The following TSHZ2 variants were observed in gnomAD, a reference collection of about 807,000 sequenced individuals.
TSHZ2 encodes the protein teashirt zinc finger homeobox 2, also known as teashirt homolog 2.
A neutral mutation model predicts 74.4 loss-of-function variants in TSHZ2; 21 were observed. The ratio of observed to expected loss-of-function variants is 0.28; its 90% CI spans 0.20 to 0.41. TSHZ2 has a LOEUF of 0.41. Ranked by LOEUF, TSHZ2 falls within the 10% of genes least tolerant of loss-of-function variation. The pLI, the probability that TSHZ2 is intolerant of heterozygous loss-of-function variation, is 1.00. For synonymous variants in TSHZ2, 540 were observed against 515.3 expected (o/e 1.05, Z -0.65); for missense variants, 1,244 against 1,293.5 (o/e 0.96, Z 0.59).
intron 1 of TSHZ2, among the ~76,000 whole-genome samples, chr20:53,221,731 G>T (rs117851209): frequency 1.4e-3 from 207 of 152,196 alleles, no homozygotes; most frequent in African/African-American, 4.0e-3. Flanking sequence ...GAGCAATATT[G>T]TTTCGTAAAA....
At chr20:52,995,871 C>T (rs2122936829) in intron 1 of TSHZ2, among the ~76,000 whole-genome samples, 1 of 152,186 alleles carries the variant, frequency 6.6e-6, no homozygotes, top group East Asian at 1.9e-4. Flanking sequence ...ATCCACCCAC[C>T]TCGGCCTCCC....
intron 2 of TSHZ2, among the ~76,000 whole-genome samples, chr20:53,456,876 G>A (rs1283220727): frequency 1.2e-4 from 7 of 59,936 alleles, no homozygotes; most frequent in East Asian, 4.3e-4. Flanking sequence ...GTAGATATGC[G>A]GCATTATTTC....
intron 2 of TSHZ2, among the ~76,000 whole-genome samples, chr20:53,358,910 A>C (rs1980951021): frequency 6.6e-6 from 1 of 152,192 alleles, no homozygotes; most frequent in African/African-American, 2.4e-5. Context: ...TTATTTTAAA[A>C]ACCAAAAATC....
intron 2 of TSHZ2, among the ~76,000 whole-genome samples, chr20:53,341,719 G>T (rs1004576398): frequency 3.3e-5 from 5 of 151,990 alleles, no homozygotes; most frequent in Non-Finnish European, 5.9e-5. Context: ...GGGCAGGGGG[G>T]TGCGGGCTGG....
chr20:53,099,951 C>G (rs1372786762), intron 1 of TSHZ2, among the ~76,000 whole-genome samples: 2 of 152,206 alleles, frequency 1.3e-5, no homozygotes, highest in African/African-American at 4.8e-5. Context: ...TAATGGGGAT[C>G]TGTCTGCAGC....
At chr20:53,313,696 T>C (rs938456643) in intron 2 of TSHZ2, among the ~76,000 whole-genome samples, 1 of 152,236 alleles carries the variant, frequency 6.6e-6, no homozygotes, top group African/African-American at 2.4e-5. Flanking sequence ...TAATACATTC[T>C]TGTACTTTGT....
At chr20:53,269,197 A>G (rs1011729213) in intron 2 of TSHZ2, among the ~76,000 whole-genome samples, 2 of 151,962 alleles carry the variant, frequency 1.3e-5, no homozygotes, top group Non-Finnish European at 2.9e-5. Context: ...TTTCCTCTCA[A>G]TTCCCTTCCC....
intron 2 of TSHZ2, among the ~76,000 whole-genome samples, chr20:53,469,211 TAATA>T (rs1259629239): frequency 2.0e-5 from 3 of 151,402 alleles, no homozygotes; most frequent in East Asian, 3.9e-4. Flanking sequence ...TGGATTGTTT[TAATA>T]ATTAACAGAA....
At chr20:53,361,868 ATAGT>A (rs1981065775) in intron 2 of TSHZ2, among the ~76,000 whole-genome samples, 1 of 151,770 alleles carries the variant, frequency 6.6e-6, no homozygotes, top group African/African-American at 2.4e-5. Context: ...CATCCTTCAC[ATAGT>A]TGGTTTTCTT....
chr20:53,123,925 G>T (rs974285104), intron 1 of TSHZ2, among the ~76,000 whole-genome samples: 1 of 152,166 alleles, frequency 6.6e-6, no homozygotes, highest in African/African-American at 2.4e-5. Context: ...AATTCTCCGT[G>T]TTAATGCAGC....
intron 2 of TSHZ2, among the ~76,000 whole-genome samples, chr20:53,469,794 A>T (rs865780528): frequency 7.5e-6 from 1 of 133,832 alleles, no homozygotes; most frequent in Non-Finnish European, 1.6e-5. Context: ...GGGAGGAAGG[A>T]AGGAAGGAAG....
chr20:53,001,197 TTC>T (rs1243939402), intron 1 of TSHZ2, among the ~76,000 whole-genome samples: 21 of 148,994 alleles, frequency 1.4e-4, no homozygotes, highest in African/African-American at 5.0e-4. Context: ...TGTGTGTGCG[TTC>T]ATGTGCGTGT....
In TSHZ2 at chr20:53,074,603, A is replaced by C. The variant is rs1985309964; in HGVS notation, c.40+101270A>C. Among the ~76,000 whole-genome samples, 1 of 152,212 alleles carries C rather than the reference A, an allele frequency of 6.6e-6. No homozygotes were observed. On this transcript the variant is annotated intron_variant, in intron 1 of 2. Coordinates refer to ENST00000371497, the MANE Select transcript of TSHZ2 (RefSeq NM_173485.6). This position sits in a 1 kb window ranked among gnomAD's most constrained non-coding sequence, Gnocchi z 5.9. ...AATGAAGAAAGGAAAGAAAATAGTGATTGCTATGTCTGAGTTTCAGGGACT... is the reference window on the plus strand; with the variant it reads ...AATGAAGAAAGGAAAGAAAATAGTGCTTGCTATGTCTGAGTTTCAGGGACT...
intron 2 of TSHZ2, among the ~76,000 whole-genome samples, chr20:53,360,302 T>G (rs1451489783): frequency 6.6e-6 from 1 of 152,232 alleles, no homozygotes; most frequent in Non-Finnish European, 1.5e-5. Flanking sequence ...ACATATCACC[T>G]CCTTTTATGT....
Position 53,333,736 on chromosome 20 carries a change from G to A in TSHZ2, c.*8+77165G>A, listed in dbSNP as rs1401419264. On this transcript the variant is annotated intron_variant, in intron 2 of 2. Transcript: ENST00000371497. ...CTCCCAAAGTGCTGGGATTACAGGC[G>A]TGAGCCACTGCGCCCGGCCTGCCAA... 5.3e-5 allele frequency among the ~76,000 whole-genome samples: 8 copies of A among 152,180 alleles called. No homozygotes were observed. The East Asian group carries it at 5.8e-4, about 11-fold the overall frequency.
intron 1 of TSHZ2, among the ~76,000 whole-genome samples, chr20:53,173,560 G>A (rs768865862): frequency 2.3e-4 from 35 of 152,206 alleles, no homozygotes; most frequent in Admixed American, 9.8e-4. Flanking sequence ...GTGAGCCGAC[G>A]TAGCGCCACT....
chr20:53,128,913 C>A (rs1177781622), intron 1 of TSHZ2, among the ~76,000 whole-genome samples: 2 of 152,224 alleles, frequency 1.3e-5, no homozygotes, highest in South Asian at 2.1e-4. Flanking sequence ...AGCCACCATG[C>A]CTGGCTGGGC....
At chr20:53,262,075 T>C (rs934114239) in intron 2 of TSHZ2, among the ~76,000 whole-genome samples, 11 of 152,108 alleles carry the variant, frequency 7.2e-5, no homozygotes, top group African/African-American at 2.7e-4. Flanking sequence ...CAAAAATGGC[T>C]TGGGGAGGAT....
rs546899779 is a variant in TSHZ2, at chr20:52,980,443, C to T, written c.40+7110C>T. Among the ~76,000 whole-genome samples the T allele has an allele frequency of 2.6e-5, 4 of 151,702 alleles. No homozygotes were observed. The South Asian group carries it at 8.3e-4, about 32-fold the overall frequency. On this transcript the variant is annotated intron_variant, in intron 1 of 2. Coordinates refer to ENST00000371497, the MANE Select transcript of TSHZ2 (RefSeq NM_173485.6). Reference sequence around the variant, plus strand: ...GGGTTTGAAGAAAAAAAAAAAAAGGCCAGCATTCTGCAGTTTCTGTTAGTA... The same window carrying T: ...GGGTTTGAAGAAAAAAAAAAAAAGGTCAGCATTCTGCAGTTTCTGTTAGTA...
Sources: allele counts gnomAD v4.1 joint callset (sites outside exome capture counted in the v4.1 genomes callset), GRCh38; gene constraint gnomAD v4.1.1; non-coding constraint Gnocchi (gnomAD v3.1); transcripts MANE v1.5; gene names NCBI Gene and HGNC (gene_info 2026-07-23, HGNC 2026-07-21).